Variants in SLC6A17 observed in about 807,000 individuals in gnomAD.
SLC6A17 encodes the protein solute carrier family 6 member 17.
In SLC6A17, 21 loss-of-function variants were observed where a neutral mutation model predicts 64.5. That is an observed-to-expected ratio of 0.33 (90% CI 0.23 to 0.47). The LOEUF is 0.47. SLC6A17 is among the 20% of genes least tolerant of loss of function. SLC6A17 has a pLI of 1.00. For missense variants in SLC6A17, 682 were observed against 963.2 expected, an observed-to-expected ratio of 0.71 and a Z score of 3.86; for synonymous variants, 372 against 399.5, an observed-to-expected ratio of 0.93 and a Z score of 0.82.
chr1:110,181,958 G>A (rs1656537252), intron 6 of SLC6A17, among the ~76,000 whole-genome samples: 1 of 152,186 alleles, frequency 6.6e-6, no homozygotes. Flanking sequence ...CTGGTGAAAA[G>A]GGAGCCATCG....
intron 1 of SLC6A17, among the ~76,000 whole-genome samples, chr1:110,152,750 G>A (rs923352776): frequency 3.9e-5 from 6 of 152,168 alleles, no homozygotes; most frequent in Non-Finnish European, 5.9e-5. Flanking sequence ...TTCCTCAGTT[G>A]TAAAACAGGG....
Position 110,194,582 on chromosome 1 carries a change from G to A in SLC6A17, c.1303G>A (p.Val435Met), listed in dbSNP as rs146431020. The stretch of plus-strand genomic sequence containing the variant: ...CTGCTTTCCACCCCACCTTCAGTCC[G>A]TGCAGGGCACAGGCCTGGCCTTCAT... Reference protein sequence around the residue: ...CLLEDELDKSVQGTGLAFIAF... With the variant: ...CLLEDELDKSMQGTGLAFIAF... Residue 435 changes from valine (V) to methionine (M), a missense_variant, in exon 9 of 12, where the codon GTG becomes ATG. Around this residue, in one of 3 missense-constraint regions of SLC6A17, gnomAD observed 415 missense variants for 603.8 expected, o/e 0.69. Transcript: ENST00000331565. 2.9e-4 allele frequency: 469 copies of A among 1,613,992 alleles called. No individual in the cohort carries two copies. Among genetic ancestry groups the A allele is most frequent in the Middle Eastern group, 1.7e-4 (1 of 6,052 alleles).
Position 110,192,308 on chromosome 1 carries a change from G to T in SLC6A17, c.1106+95G>T. The T allele has an allele frequency of 9.2e-6, 14 of 1,522,892 alleles. No homozygotes were observed. The highest frequency in any genetic ancestry group is 1.2e-5 in the Non-Finnish European group (14 of 1,122,800). 94.3% of individuals were successfully genotyped at this position (1,522,892 alleles called of 1,614,324 possible). A position where few individuals can be genotyped will look rare whatever the true frequency, so the allele number is the denominator to read the frequency against. On this transcript the variant is annotated intron_variant, in intron 7 of 11. Transcript: ENST00000331565. This position sits in a 1 kb window ranked among gnomAD's most constrained non-coding sequence, Gnocchi z 4.3. The stretch of plus-strand genomic sequence containing the variant: ...GGCGCAGGTGTGCATGGGGAGAGAG[G>T]TCCCCTCCACTCAGACTGAGGAATG...
At chr1:110,176,424 T>C (rs1656374672) in intron 5 of SLC6A17, among the ~76,000 whole-genome samples, 1 of 152,152 alleles carries the variant, frequency 6.6e-6, no homozygotes, top group Non-Finnish European at 1.5e-5. Flanking sequence ...GGCACAGCCA[T>C]GCAGACTCCA....
At chr1:110,193,333 T>C (rs1268756886) in intron 8 of SLC6A17, among the ~76,000 whole-genome samples, 1 of 152,218 alleles carries the variant, frequency 6.6e-6, no homozygotes, top group African/African-American at 2.4e-5. Context: ...TCTTAGACTT[T>C]AGGGTGGTGC....
chr1:110,175,507 G>T (rs934043788), intron 5 of SLC6A17, among the ~76,000 whole-genome samples: 15 of 152,280 alleles, frequency 9.9e-5, no homozygotes, highest in African/African-American at 3.1e-4. Context: ...TTAAATAAGG[G>T]CCCTTTCTTA....
intron 1 of SLC6A17, among the ~76,000 whole-genome samples, chr1:110,161,899 C>G (rs2361042): frequency 0.45 from 67,988 of 152,106 alleles, 16,151 homozygotes; most frequent in Non-Finnish European, 0.54. Flanking sequence ...GAGCCCTCAC[C>G]CCTCTGGCAG....
intron 1 of SLC6A17, among the ~76,000 whole-genome samples, chr1:110,157,464 T>G (rs997606107): frequency 6.6e-6 from 1 of 151,976 alleles, no homozygotes; most frequent in African/African-American, 2.4e-5. Flanking sequence ...TCCCAGCTAC[T>G]CAGGAGGCTG....
chr1:110,161,326 A>G (rs762009994), intron 1 of SLC6A17, among the ~76,000 whole-genome samples: 10 of 152,114 alleles, frequency 6.6e-5, no homozygotes, highest in Non-Finnish European at 1.3e-4. Context: ...CTTGGTTTCT[A>G]CTCACCACCA....
chr1:110,195,774 T>C (rs906956483), intron 10 of SLC6A17, 29 bp downstream of exon 10: 1 of 1,613,408 alleles, frequency 6.2e-7, no homozygotes, highest in Non-Finnish European at 8.5e-7. Context: ...AAAGGTGGGA[T>C]GGGAGGAGGG....
chr1:110,191,928 C>T (rs1269667491), intron 6 of SLC6A17, 44 bp from the exon 7 acceptor site: 1 of 1,595,546 alleles, frequency 6.3e-7, no homozygotes, highest in South Asian at 1.1e-5. Context: ...AAACCATCCC[C>T]TCTGTGTCTC....
At chr1:110,162,233 C>G (rs991197633) in intron 1 of SLC6A17, among the ~76,000 whole-genome samples, 1 of 152,258 alleles carries the variant, frequency 6.6e-6, no homozygotes, top group Non-Finnish European at 1.5e-5. Context: ...GCTGTCACCA[C>G]ATCTCTACCA....
At chr1:110,188,867 C>T (rs1656753623) in intron 6 of SLC6A17, among the ~76,000 whole-genome samples, 1 of 152,198 alleles carries the variant, frequency 6.6e-6, no homozygotes, top group Non-Finnish European at 1.5e-5. Flanking sequence ...TTCTTCACTT[C>T]CCCTGGCTTC....
At chr1:110,153,566 T>G (rs1655667056) in intron 1 of SLC6A17, among the ~76,000 whole-genome samples, 1 of 147,496 alleles carries the variant, frequency 6.8e-6, no homozygotes, top group African/African-American at 2.5e-5. Context: ...GCATTCACCA[T>G]TCATTCTGTA....
At chr1:110,157,589 A>AAAAAT (rs993985321) in intron 1 of SLC6A17, among the ~76,000 whole-genome samples, 4 of 152,084 alleles carry the variant, frequency 2.6e-5, no homozygotes, top group African/African-American at 9.7e-5. Flanking sequence ...ATAAATAAAT[A>AAAAAT]AAAATAAAAT....
At chr1:110,197,935 C>T in intron 11 of SLC6A17, 141 bp from the exon 12 acceptor site, 1 of 1,412,644 alleles carries the variant, frequency 7.1e-7, no homozygotes. Flanking sequence ...AAACCCCCAT[C>T]CTTGGCTGTG....
chr1:110,190,950 T>C (rs976650075), intron 6 of SLC6A17, among the ~76,000 whole-genome samples: 3 of 152,164 alleles, frequency 2.0e-5, no homozygotes, highest in Non-Finnish European at 4.4e-5. Flanking sequence ...GTTTACCCTT[T>C]AAAAACATGA....
chr1:110,152,119 G>A (rs1043711312), intron 1 of SLC6A17, among the ~76,000 whole-genome samples: 1 of 152,228 alleles, frequency 6.6e-6, no homozygotes, highest in Non-Finnish European at 1.5e-5. Context: ...GGGAGTTCTT[G>A]TGTCTCGTTC....
intron 1 of SLC6A17, among the ~76,000 whole-genome samples, chr1:110,161,022 G>C (rs1330643142): frequency 2.0e-5 from 3 of 152,186 alleles, no homozygotes; most frequent in Non-Finnish European, 1.5e-5. Context: ...AACACCTGGT[G>C]GGGGTGGAGG....
Sources: allele counts gnomAD v4.1 joint callset (sites outside exome capture counted in the v4.1 genomes callset), GRCh38; gene constraint gnomAD v4.1.1; regional missense constraint gnomAD v4.1.1; non-coding constraint Gnocchi (gnomAD v3.1); transcripts MANE v1.5; gene names NCBI Gene and HGNC (gene_info 2026-07-23, HGNC 2026-07-21).